The following ANKRD18B variants were observed in gnomAD, a reference collection of about 807,000 sequenced individuals.
The protein encoded by ANKRD18B is ankyrin repeat domain-containing protein 18B.
A neutral mutation model predicts 111.8 loss-of-function variants in ANKRD18B; 75 were observed. That is an observed-to-expected ratio of 0.67 (90% confidence interval 0.56 to 0.81). ANKRD18B has a LOEUF of 0.81. ANKRD18B is among the 40% of genes least tolerant of loss of function. The probability of loss-of-function intolerance (pLI) is 0.00; values close to 1 mark genes in which losing one functional copy is unlikely to be tolerated. For synonymous variants in ANKRD18B, 356 were observed against 417.3 expected (o/e 0.85, Z 1.79); for missense variants, 1,038 against 1,225.5 (o/e 0.85, Z 2.28).
intron 6 of ANKRD18B, among the ~76,000 whole-genome samples, chr9:33,537,186 A>G (rs1828214463): frequency 6.6e-6 from 1 of 151,874 alleles, no homozygotes; most frequent in East Asian, 1.9e-4. Context: ...AATCCCAGCT[A>G]CTCGGGAGGC....
chr9:33,572,088 G>A (rs2118154496), intron 18 of ANKRD18B: 3 of 519,172 alleles, frequency 5.8e-6, no homozygotes, highest in South Asian at 5.1e-5. Context: ...ACCTTAGCAC[G>A]TGGCTGTTGA....
downstream of ANKRD18B, chr9:33,573,327 G>A: frequency 3.1e-6 from 3 of 981,824 alleles, no homozygotes; most frequent in Non-Finnish European, 3.6e-6. Flanking sequence ...GCTGTCTGGG[G>A]ACAGTCCTCA....
At chr9:33,547,629 TG>T (rs1302181144) in intron 10 of ANKRD18B, among the ~76,000 whole-genome samples, 1 of 152,046 alleles carries the variant, frequency 6.6e-6, no homozygotes, top group Non-Finnish European at 1.5e-5. Flanking sequence ...TTGAGTTTGT[TG>T]TAATTCAGAG....
At chr9:33,542,755 C>T (rs1179432154) in intron 9 of ANKRD18B, among the ~76,000 whole-genome samples, 1 of 151,982 alleles carries the variant, frequency 6.6e-6, no homozygotes, top group African/African-American at 2.4e-5. Context: ...ACAGGGTGTA[C>T]ACTATAAAGG....
chr9:33,553,021 G>A (rs2118079799), intron 12 of ANKRD18B, among the ~76,000 whole-genome samples: 1 of 151,692 alleles, frequency 6.6e-6, no homozygotes, highest in African/African-American at 2.4e-5. Context: ...CTGGGATTCA[G>A]ACCCAGCCCT....
intron 1 of ANKRD18B, among the ~76,000 whole-genome samples, chr9:33,526,506 GT>G (rs1400526677): frequency 1.1e-4 from 17 of 152,104 alleles, no homozygotes; most frequent in Admixed American, 4.6e-4. Context: ...GTATTTTAAA[GT>G]TTTTTGTTCC....
Position 33,572,796 on chromosome 9 carries a change from A to T in ANKRD18B, c.*362A>T, listed in dbSNP as rs537944110. The T allele has an allele frequency of 5.4e-5, 51 of 940,956 alleles. No individual in the cohort carries two copies. The highest frequency in any genetic ancestry group is 5.1e-4 in the Admixed American group (9 of 17,814). 58.3% of individuals were successfully genotyped at this position (940,956 alleles called of 1,614,324 possible). A position where few individuals can be genotyped will look rare whatever the true frequency, so the allele number is the denominator to read the frequency against. ...CAGGTTTGTCCATACTAGTGTTATG[A>T]TTTTCTTTTTGTAGTTCAATAGTAT... On this transcript the variant is annotated 3_prime_UTR_variant, in exon 19 of 19. Coordinates refer to ENST00000684830, the MANE Select transcript of ANKRD18B (RefSeq NM_001393611.1).
At chr9:33,569,473 C>G (rs1828737126) in intron 17 of ANKRD18B, among the ~76,000 whole-genome samples, 1 of 151,826 alleles carries the variant, frequency 6.6e-6, no homozygotes, top group Non-Finnish European at 1.5e-5. Flanking sequence ...CCATATTGGC[C>G]AGGCAGGTCT....
intron 3 of ANKRD18B, among the ~76,000 whole-genome samples, chr9:33,531,179 A>G (rs1166870021): frequency 2.6e-5 from 4 of 152,226 alleles, no homozygotes; most frequent in Admixed American, 2.6e-4. Context: ...ACAATCTGGG[A>G]AAATTATATA....
intron 17 of ANKRD18B, among the ~76,000 whole-genome samples, chr9:33,569,510 A>T (rs6415769): frequency 0.99 from 150,200 of 152,058 alleles, 74,215 homozygotes; most frequent in Middle Eastern, 1. Context: ...TCCACCCACA[A>T]CAGCCTCCCA....
chr9:33,530,233 A>G (rs2117978869), intron 3 of ANKRD18B, among the ~76,000 whole-genome samples: 1 of 152,314 alleles, frequency 6.6e-6, no homozygotes, highest in South Asian at 2.1e-4. Flanking sequence ...AAATTTTGTT[A>G]AAAGTCTACA....
downstream of ANKRD18B, among the ~76,000 whole-genome samples, chr9:33,575,407 G>A (rs576138836): frequency 6.6e-6 from 1 of 152,346 alleles, no homozygotes; most frequent in South Asian, 2.1e-4. Flanking sequence ...TGGGCCTTGG[G>A]AAGTCATTCT....
chr9:33,543,404 C>T, intron 10 of ANKRD18B, 149 bp downstream of exon 10: 1 of 725,154 alleles, frequency 1.4e-6, no homozygotes, highest in East Asian at 2.9e-5. Flanking sequence ...ATATTTTAGC[C>T]TGTTATAAAA....
At chr9:33,550,407 T>C in intron 11 of ANKRD18B, 23 bp from the exon 12 acceptor site, 1 of 1,519,718 alleles carries the variant, frequency 6.6e-7, no homozygotes, top group Non-Finnish European at 8.8e-7. Flanking sequence ...TTTATAAAAT[T>C]GGTAACAAAA....
At chr9:33,529,364 T>C (rs1828078136) in intron 3 of ANKRD18B, among the ~76,000 whole-genome samples, 191 bp downstream of exon 3, 1 of 152,224 alleles carries the variant, frequency 6.6e-6, no homozygotes, top group African/African-American at 2.4e-5. Flanking sequence ...TTTAGTGCAC[T>C]TATGGGAAGT....
chr9:33,556,552 T>C (rs532014), intron 13 of ANKRD18B, among the ~76,000 whole-genome samples: 1 of 152,230 alleles, frequency 6.6e-6, no homozygotes, highest in Non-Finnish European at 1.5e-5. Flanking sequence ...CGCTTAGCAA[T>C]GTATTCTTTA....
At chr9:33,534,652 A>G in intron 5 of ANKRD18B, 145 bp downstream of exon 5, 1 of 1,144,144 alleles carries the variant, frequency 8.7e-7, no homozygotes, top group Admixed American at 3.3e-5. Context: ...TCTTAGCCAG[A>G]AATCACACAG....
In ANKRD18B at chr9:33,534,476, G is replaced by A. The variant is rs538388469; in HGVS notation, c.709G>A (p.Glu237Lys). 40 of 1,549,222 alleles carry A rather than the reference G, an allele frequency of 2.6e-5. No homozygotes were observed. Among genetic ancestry groups the A allele is most frequent in the African/African-American group, 2.7e-5 (2 of 73,050 alleles). Reference sequence around the variant, plus strand: ...TCAAGACATGTTTGGCCAAACTGCCGAGGATTATGCTTTTTGTTGTGATTT... The same window carrying A: ...TCAAGACATGTTTGGCCAAACTGCCAAGGATTATGCTTTTTGTTGTGATTT... ...SSQDMFGQTA[E>K]DYAFCCDLRS... The change falls in exon 5 of 19, where the codon GAG becomes AAG. Residue 237 changes from glutamate (E) to lysine (K), a missense_variant. Transcript: ENST00000684830.
chr9:33,547,073 A>C (rs1312988835), intron 10 of ANKRD18B, among the ~76,000 whole-genome samples: 2 of 152,196 alleles, frequency 1.3e-5, no homozygotes, highest in Non-Finnish European at 1.5e-5. Context: ...CAGAAAAGGG[A>C]AAGGTTCTTT....
Sources: gnomAD v4.1 joint callset for allele counts (sites outside exome capture counted in the v4.1 genomes callset) on GRCh38, gnomAD v4.1.1 for gene constraint, MANE v1.5 for transcripts, NCBI Gene and HGNC (gene_info 2026-07-23, HGNC 2026-07-21) for gene names.